RABGEF1: variants seen among roughly 807,000 people sequenced by gnomAD.
RABGEF1 encodes the protein rab5 GDP/GTP exchange factor.
RABGEF1 carries 26 observed loss-of-function variants against 57.3 expected under a neutral mutation model. The observed-to-expected ratio is 0.45, with a 90% CI of 0.33 to 0.63. The LOEUF is 0.63. RABGEF1 is among the 20% of genes least tolerant of loss of function. RABGEF1 has a pLI of 0.02. For synonymous variants in RABGEF1, 185 were observed against 210.7 expected (o/e 0.88, Z 1.06); for missense variants, 464 against 607.6 (o/e 0.76, Z 2.48).
chr7:66,707,681 C>G (rs1045873191), intron 1 of RABGEF1, among the ~76,000 whole-genome samples: 3 of 152,138 alleles, frequency 2.0e-5, no homozygotes, highest in Non-Finnish European at 4.4e-5. Context: ...GAGCAAGACT[C>G]CATCTCAACA....
chr7:66,743,359 C>CT, intron 1 of RABGEF1, among the ~76,000 whole-genome samples: 1 of 151,564 alleles, frequency 6.6e-6, no homozygotes, highest in Admixed American at 6.6e-5. Context: ...CTCTCTCTCC[C>CT]TGTCTCCCAG....
chr7:66,668,616 G>A, the RABGEF1 span: 1 of 152,336 alleles, frequency 6.6e-6, no homozygotes, highest in Admixed American at 6.5e-5. Context: ...GGCCAGTGTG[G>A]GAGAACGTCA....
At chr7:66,761,570 T>C (rs796854812) in intron 1 of RABGEF1, among the ~76,000 whole-genome samples, 29 of 152,338 alleles carry the variant, frequency 1.9e-4, no homozygotes, top group African/African-American at 5.3e-4. Flanking sequence ...GAAAGCTTCC[T>C]GGGCCCAGTT....
intron 1 of RABGEF1, among the ~76,000 whole-genome samples, chr7:66,698,526 C>T (rs367614527): frequency 1.2e-4 from 18 of 152,164 alleles, no homozygotes; most frequent in South Asian, 2.1e-4. Flanking sequence ...CGGGTCTGGA[C>T]GATGGGTGAG....
the RABGEF1 span, among the ~76,000 whole-genome samples, chr7:66,665,789 A>G: frequency 6.6e-6 from 1 of 152,182 alleles, no homozygotes; most frequent in Admixed American, 6.5e-5. Context: ...TGTCCTGCTC[A>G]GCCAGCAGCC....
the RABGEF1 span, among the ~76,000 whole-genome samples, chr7:66,659,840 A>G: frequency 6.6e-6 from 1 of 151,946 alleles, no homozygotes; most frequent in Admixed American, 6.6e-5. Context: ...TCACCTAACT[A>G]TACACTTTAA....
intron 2 of RABGEF1, among the ~76,000 whole-genome samples, chr7:66,723,489 C>A (rs1796266541): frequency 1.3e-5 from 2 of 152,192 alleles, no homozygotes; most frequent in South Asian, 4.1e-4. Context: ...ATTTTTTATG[C>A]TATTGTAGTC....
At chr7:66,698,256 G>A (rs1471724885) in intron 1 of RABGEF1, among the ~76,000 whole-genome samples, 6 of 152,186 alleles carry the variant, frequency 3.9e-5, no homozygotes, top group East Asian at 1.9e-4. Context: ...CAAGGCCAGC[G>A]TCCCAGGCTA....
chr7:66,741,653 C>G (rs370432186), intron 1 of RABGEF1, among the ~76,000 whole-genome samples: 1 of 152,132 alleles, frequency 6.6e-6, no homozygotes, highest in South Asian at 2.1e-4. Flanking sequence ...GGTTTTTGGC[C>G]TGGAGAGCTG....
the RABGEF1 span, among the ~76,000 whole-genome samples, chr7:66,657,083 A>G: frequency 2.0e-5 from 3 of 152,338 alleles, no homozygotes; most frequent in Middle Eastern, 0.01. Flanking sequence ...CCTCAATGTT[A>G]ATAATACAGA....
chr7:66,694,498 G>A (rs1359587759), intron 1 of RABGEF1, among the ~76,000 whole-genome samples: 1 of 152,268 alleles, frequency 6.6e-6, no homozygotes, highest in East Asian at 1.9e-4. Context: ...GGCCTGGAGG[G>A]CAGTGGGAAG....
chr7:66,667,137 G>A, the RABGEF1 span, among the ~76,000 whole-genome samples: 1 of 152,208 alleles, frequency 6.6e-6, no homozygotes, highest in Non-Finnish European at 1.5e-5. Context: ...ATAGGGACAG[G>A]GCCCAGAGAG....
chr7:66,806,423 A>ATTG (rs1788451981), intron 8 of RABGEF1, among the ~76,000 whole-genome samples: 1 of 151,720 alleles, frequency 6.6e-6, no homozygotes, highest in South Asian at 2.1e-4. Context: ...ATCACTCATC[A>ATTG]CCCTCCAGCA....
chr7:66,801,162 T>A (rs1185582689), intron 7 of RABGEF1, among the ~76,000 whole-genome samples: 1 of 152,164 alleles, frequency 6.6e-6, no homozygotes, highest in African/African-American at 2.4e-5. Context: ...CATCAGCTCC[T>A]CTTAGCTCCA....
rs13247067 is a variant in RABGEF1, at chr7:66,753,702, T to G, written c.-18+12910T>G. On this transcript the variant is annotated intron_variant, in intron 1 of 8. Coordinates refer to ENST00000284957, the MANE Select transcript of RABGEF1 (RefSeq NM_014504.3). ...TCTGAAAATGTCTATTTTGCCATCG[T>G]TTTTTTTTTTTTTTTTTTTTTTGAG... Among the ~76,000 whole-genome samples, 46 of 49,546 alleles carry G rather than the reference T, an allele frequency of 9.3e-4. 1 individual carries two copies. The highest frequency in any genetic ancestry group is 1.9e-3 in the Non-Finnish European group (39 of 20,174). 32.5% of individuals were successfully genotyped at this position (49,546 alleles called of 152,430 possible).
chr7:66,766,095 C>A (rs374663032), intron 1 of RABGEF1, among the ~76,000 whole-genome samples: 17 of 152,192 alleles, frequency 1.1e-4, no homozygotes, highest in African/African-American at 3.6e-4. Flanking sequence ...AAACCCAGGA[C>A]TTGGCATACT....
At chr7:66,799,184 T>G in intron 6 of RABGEF1, 139 bp from the exon 7 acceptor site, 1 of 599,268 alleles carries the variant, frequency 1.7e-6, no homozygotes, top group South Asian at 2.1e-5. Flanking sequence ...GAGCTCGTAG[T>G]ACTTGCAGGG....
upstream of RABGEF1, among the ~76,000 whole-genome samples, chr7:66,736,145 C>T (rs1013834731): frequency 1.3e-4 from 20 of 152,124 alleles, no homozygotes; most frequent in African/African-American, 4.8e-4. Context: ...TCCTGACATT[C>T]ACTCCTGCCT....
At chr7:66,720,078 A>T (rs1795835538) in intron 2 of RABGEF1, among the ~76,000 whole-genome samples, 1 of 152,178 alleles carries the variant, frequency 6.6e-6, no homozygotes, top group Admixed American at 6.6e-5. Context: ...AGTCAATGTA[A>T]TGCAATATAT....
Sources: allele counts gnomAD v4.1 joint callset (sites outside exome capture counted in the v4.1 genomes callset), GRCh38; gene constraint gnomAD v4.1.1; transcripts MANE v1.5; gene names NCBI Gene and HGNC (gene_info 2026-07-23, HGNC 2026-07-21).